The following CSRNP3 variants were observed in gnomAD, a reference collection of about 807,000 sequenced individuals.
CSRNP3 encodes cysteine/serine-rich nuclear protein 3.
CSRNP3 carries 12 observed loss-of-function variants against 48.0 expected under a neutral mutation model. The observed-to-expected ratio is 0.25, with a 90% confidence interval of 0.16 to 0.41. The LOEUF is 0.41. Ranked by LOEUF, CSRNP3 falls within the 10% of genes least tolerant of loss-of-function variation. The probability of loss-of-function intolerance (pLI) is 1.00; values close to 1 mark genes in which losing one functional copy is unlikely to be tolerated. For missense variants in CSRNP3, 580 were observed against 724.4 expected, an observed-to-expected ratio of 0.80 and a Z score of 2.29; for synonymous variants, 263 against 269.7, an observed-to-expected ratio of 0.98 and a Z score of 0.24.
intron 3 of CSRNP3, among the ~76,000 whole-genome samples, chr2:165,593,859 C>G (rs766405132): frequency 1.6e-4 from 25 of 152,172 alleles, no homozygotes; most frequent in Middle Eastern, 3.2e-3. Flanking sequence ...AATCTGAAAT[C>G]TAAAATGTTC....
chr2:165,530,082 T>C (rs1684791374), intron 3 of CSRNP3, among the ~76,000 whole-genome samples: 1 of 152,206 alleles, frequency 6.6e-6, no homozygotes, highest in East Asian at 1.9e-4. Context: ...AACATTGTCA[T>C]AGACTAGAAG....
chr2:165,664,807 T>C (rs1156572807), intron 5 of CSRNP3, among the ~76,000 whole-genome samples: 1 of 137,806 alleles, frequency 7.3e-6, no homozygotes, highest in Admixed American at 7.3e-5. Flanking sequence ...CTGTGATCAA[T>C]TTTTTTTTGT....
At chr2:165,609,897 G>A (rs1686107364) in intron 4 of CSRNP3, among the ~76,000 whole-genome samples, 1 of 152,186 alleles carries the variant, frequency 6.6e-6, no homozygotes, top group Non-Finnish European at 1.5e-5. Flanking sequence ...TGTATGACAA[G>A]AGGGATGAAT....
Position 165,686,325 on chromosome 2 carries a change from T to C in CSRNP3, c.*6572T>C, listed in dbSNP as rs1239729526. 1.3e-5 allele frequency: 2 copies of C among 152,058 alleles called. No individual in the cohort carries two copies. The highest frequency in any genetic ancestry group is 1.9e-4 in the East Asian group (1 of 5,182). The allele number at this position is 152,058 out of a possible 1,614,324, so 9.4% of individuals were successfully genotyped here. On this transcript the variant is annotated 3_prime_UTR_variant, in exon 7 of 7. Coordinates refer to ENST00000651982, the MANE Select transcript of CSRNP3 (RefSeq NM_001172173.2). ...TAATGGTTTTGCTGTTGTCTCTACA[T>C]AGGGGACCTATGGAAAAGGAGTTTG...
chr2:165,545,689 G>A (rs1336568000), intron 3 of CSRNP3, among the ~76,000 whole-genome samples: 1 of 152,010 alleles, frequency 6.6e-6, no homozygotes, highest in African/African-American at 2.4e-5. Context: ...ATGAGTTCTG[G>A]CCCATTAAAT....
intron 3 of CSRNP3, among the ~76,000 whole-genome samples, chr2:165,585,624 A>G (rs973765466): frequency 3.3e-5 from 5 of 152,294 alleles, no homozygotes; most frequent in Admixed American, 3.3e-4. Flanking sequence ...TTAGAATAGA[A>G]CTTTATCATA....
intron 4 of CSRNP3, among the ~76,000 whole-genome samples, chr2:165,611,364 T>TGTGC (rs769951689): frequency 5.0e-4 from 17 of 33,824 alleles, no homozygotes; most frequent in Non-Finnish European, 7.2e-4. Flanking sequence ...TCACGATATA[T>TGTGC]GTGTGTGTGT....
At position 165,621,770 on chromosome 2, in the gene CSRNP3, C is replaced by A. The variant is rs534363010; in HGVS notation, c.148+26557C>A. 5.3e-5 allele frequency among the ~76,000 whole-genome samples: 8 copies of A among 152,302 alleles called. No individual in the cohort carries two copies. In the East Asian group the frequency reaches 1.5e-3, roughly 29 times the overall value. ...TACATTTTAGTCTTGATACCTGCAA[C>A]ACACAATTTACAAACATGCTTTATC... On this transcript the variant is annotated intron_variant, in intron 4 of 6. Coordinates refer to ENST00000651982, the MANE Select transcript of CSRNP3 (RefSeq NM_001172173.2).
intron 4 of CSRNP3, among the ~76,000 whole-genome samples, chr2:165,601,810 A>T (rs1685920451): frequency 6.6e-6 from 1 of 152,196 alleles, no homozygotes; most frequent in African/African-American, 2.4e-5. Context: ...ATGGGATTAG[A>T]CATAAAGAAT....
chr2:165,515,239 C>T (rs1684560927), intron 2 of CSRNP3, among the ~76,000 whole-genome samples: 2 of 151,072 alleles, frequency 1.3e-5, no homozygotes, highest in East Asian at 1.9e-4. Context: ...GCAGGAGAAT[C>T]GCTTGAACTG....
At chr2:165,653,359 T>C (rs911014923) in intron 4 of CSRNP3, among the ~76,000 whole-genome samples, 6 of 152,286 alleles carry the variant, frequency 3.9e-5, no homozygotes, top group African/African-American at 9.6e-5. Flanking sequence ...CACAAACACA[T>C]GTTTGAATTA....
At chr2:165,658,049 T>TCTCA (rs757707970) in intron 5 of CSRNP3, 29 bp downstream of exon 5, 62 of 1,594,194 alleles carry the variant, frequency 3.9e-5, no homozygotes, top group Non-Finnish European at 5.2e-5. Context: ...TTCTGCAAAG[T>TCTCA]CTCATATCCT....
At chr2:165,586,037 C>T (rs1416483541) in intron 3 of CSRNP3, among the ~76,000 whole-genome samples, 1 of 152,156 alleles carries the variant, frequency 6.6e-6, no homozygotes, top group African/African-American at 2.4e-5. Context: ...GCTCACCTTC[C>T]TTTCATTTTC....
In CSRNP3 at chr2:165,685,292, A is replaced by T. The variant is rs192579757; in HGVS notation, c.*5539A>T. ...AACTGGACCATGAGACCCCCTTCCT[A>T]AACAATGCAGTTGTTTTGTTTTATT... On this transcript the variant is annotated 3_prime_UTR_variant, in exon 7 of 7. Transcript: ENST00000651982. 6.6e-6 allele frequency: 1 copy of T among 152,088 alleles called. No individual in the cohort carries two copies. The highest frequency in any genetic ancestry group is 2.4e-5 in the African/African-American group (1 of 41,504). The allele number at this position is 152,088 out of a possible 1,614,324, so 9.4% of individuals were successfully genotyped here.
chr2:165,660,387 A>ATTATC (rs57303217), intron 5 of CSRNP3, among the ~76,000 whole-genome samples: 109,563 of 151,656 alleles, frequency 0.72, 39,870 homozygotes, highest in South Asian at 0.8. Context: ...AATGGATTCT[A>ATTATC]TTATTACTTC....
chr2:165,680,307 G>T lies in CSRNP3; in HGVS notation c.*554G>T. The T allele has an allele frequency of 6.5e-6, 1 of 153,350 alleles. No individual in the cohort carries two copies. The highest frequency in any genetic ancestry group is 1.5e-5 in the Non-Finnish European group (1 of 68,570). 9.5% of individuals were successfully genotyped at this position (153,350 alleles called of 1,614,324 possible). ...GAAGATGCATAGCTAGTTCCACAGA[G>T]CATGCCCACATGGATTGCATCTGGA... On this transcript the variant is annotated 3_prime_UTR_variant, in exon 7 of 7. Transcript: ENST00000651982.
At chr2:165,551,386 T>C (rs910736825) in intron 3 of CSRNP3, among the ~76,000 whole-genome samples, 3 of 152,216 alleles carry the variant, frequency 2.0e-5, no homozygotes, top group African/African-American at 7.2e-5. Flanking sequence ...TCTCCCTCTA[T>C]ACCCAAGTGA....
chr2:165,618,662 T>C (rs1310139581), intron 4 of CSRNP3, among the ~76,000 whole-genome samples: 2 of 152,214 alleles, frequency 1.3e-5, no homozygotes, highest in African/African-American at 4.8e-5. Context: ...TCCATTCACC[T>C]CTTCCTCTTG....
rs780897912 is a variant in CSRNP3, at chr2:165,679,725, C to A, written c.1730C>A (p.Ser577Ter). 6.2e-7 allele frequency: 1 copy of A among 1,613,758 alleles called. No individual in the cohort carries two copies. Among genetic ancestry groups the A allele is most frequent in the South Asian group, 1.1e-5 (1 of 91,058 alleles). Residue 577 changes from serine (S) to a stop codon, truncating the protein, a stop_gained, in exon 7 of 7, where the codon TCA (serine) becomes TAA (stop). Coordinates refer to ENST00000651982, the MANE Select transcript of CSRNP3 (RefSeq NM_001172173.2). LOFTEE classifies it high-confidence loss of function. ...KSILHEECIK[S>*]PVVETVPV ...ATATTGCATGAAGAGTGCATCAAAT[C>A]ACCCGTGGTTGAGACAGTCCCTGTT...
Sources: allele counts gnomAD v4.1 joint callset (sites outside exome capture counted in the v4.1 genomes callset), GRCh38; gene constraint gnomAD v4.1.1; transcripts MANE v1.5; gene names NCBI Gene and HGNC (gene_info 2026-07-23, HGNC 2026-07-21).